The following CBLB variants were observed in gnomAD, a reference collection of about 807,000 sequenced individuals.
CBLB encodes Cbl proto-oncogene B, also known as E3 ubiquitin-protein ligase CBL-B.
A neutral mutation model predicts 104.9 loss-of-function variants in CBLB; 31 were observed. That is an observed-to-expected ratio of 0.30 (90% confidence interval 0.22 to 0.40). The LOEUF (loss-of-function observed/expected upper bound fraction) is 0.40. CBLB is among the 10% of genes least tolerant of loss of function. CBLB has a pLI of 1.00. For synonymous variants in CBLB, 440 were observed against 422.6 expected (o/e 1.04, Z -0.51); for missense variants, 1,062 against 1,214.6 (o/e 0.87, Z 1.87).
chr3:105,660,739 T>G (rs1036892576), intron 18 of CBLB, among the ~76,000 whole-genome samples: 1 of 152,160 alleles, frequency 6.6e-6, no homozygotes, highest in African/African-American at 2.4e-5. Flanking sequence ...GGAGATACTG[T>G]AAGCTGATAT....
At chr3:105,702,055 T>C in intron 12 of CBLB, 39 bp downstream of exon 12, 1 of 1,610,920 alleles carries the variant, frequency 6.2e-7, no homozygotes. Context: ...GAAGCATTTA[T>C]AAGCAGATTC....
In CBLB at chr3:105,704,063, G is replaced by C. The variant is rs754038300; in HGVS notation, c.1518C>G (p.Pro506=). 1 of 1,614,136 alleles carries C rather than the reference G, an allele frequency of 6.2e-7. No individual in the cohort carries two copies. Among genetic ancestry groups the C allele is most frequent in the Admixed American group, 1.7e-5 (1 of 60,020 alleles). The stretch of plus-strand genomic sequence containing the variant: ...GAATTAGATCCAGGCGAGGAGGCAC[G>C]GGTGGCAGGCTTAGATGTGGGATCT... The part of the protein sequence containing the change: ...PLQIPHLSLP[P]VPPRLDLIQK... The change falls in exon 11 of 19, where the codon CCC becomes CCG. Residue 506 remains proline, a synonymous_variant. Coordinates refer to ENST00000394030, the MANE Select transcript of CBLB (RefSeq NM_170662.5).
At chr3:105,733,603 T>C (rs2074577722) in intron 9 of CBLB, among the ~76,000 whole-genome samples, 1 of 152,188 alleles carries the variant, frequency 6.6e-6, no homozygotes, top group Non-Finnish European at 1.5e-5. Context: ...ACAGGAACCA[T>C]GCCTCCTCAG....
chr3:105,805,736 A>G (rs988872004), intron 3 of CBLB, among the ~76,000 whole-genome samples: 11 of 152,158 alleles, frequency 7.2e-5, no homozygotes, highest in African/African-American at 2.7e-4. Flanking sequence ...AAATCCATTC[A>G]TCTCCTAGTG....
chr3:105,751,935 G>A (rs1243528172), intron 4 of CBLB, among the ~76,000 whole-genome samples: 1 of 152,140 alleles, frequency 6.6e-6, no homozygotes, highest in Non-Finnish European at 1.5e-5. Context: ...ACCTCTTCAT[G>A]TGTGTATACA....
intron 16 of CBLB, among the ~76,000 whole-genome samples, chr3:105,679,336 TA>T (rs33959963): frequency 7.6e-5 from 5 of 65,662 alleles, no homozygotes; most frequent in Non-Finnish European, 1.3e-4. Context: ...CTTGAGTCTT[TA>T]AAAAAAAAAA....
chr3:105,830,029 G>A (rs970751911), intron 3 of CBLB, among the ~76,000 whole-genome samples: 4 of 152,042 alleles, frequency 2.6e-5, no homozygotes, highest in African/African-American at 9.7e-5. Flanking sequence ...TCTTACTCTG[G>A]GGAATTCCAA....
intron 11 of CBLB, 117 bp from the exon 12 acceptor site, chr3:105,702,576 G>T: frequency 9.5e-7 from 1 of 1,055,390 alleles, no homozygotes; most frequent in Admixed American, 2.8e-5. Context: ...CAAACAAGGA[G>T]TTTTACTAGA....
rs188240315 is a variant in CBLB at position 105,658,336 on chromosome 3, C to A, written c.*634G>T. 1 of 222,194 alleles carries A rather than the reference C, an allele frequency of 4.5e-6. No homozygotes were observed. Among genetic ancestry groups the A allele is most frequent in the East Asian group, 6.6e-5 (1 of 15,156 alleles). 13.8% of individuals were successfully genotyped at this position (222,194 alleles called of 1,614,324 possible). A position where few individuals can be genotyped will look rare whatever the true frequency, so the allele number is the denominator to read the frequency against. On this transcript the variant is annotated 3_prime_UTR_variant, in exon 19 of 19. Coordinates refer to ENST00000394030, the MANE Select transcript of CBLB (RefSeq NM_170662.5). ...AATGCTTTATACATTCAGGTTTTTC[C>A]CATCTCTCAATAGTGATGGTTTCCA...
At chr3:105,690,286 T>C (rs958203623) in intron 13 of CBLB, among the ~76,000 whole-genome samples, 1 of 152,102 alleles carries the variant, frequency 6.6e-6, no homozygotes, top group African/African-American at 2.4e-5. Context: ...GGAAATGAAC[T>C]CTCGAACATC....
At chr3:105,792,186 C>T (rs2081737814) in intron 3 of CBLB, among the ~76,000 whole-genome samples, 1 of 152,174 alleles carries the variant, frequency 6.6e-6, no homozygotes, top group Admixed American at 6.5e-5. Flanking sequence ...TCTGAAAGCA[C>T]TGGTTTAGCA....
At chr3:105,664,813 A>G (rs570780101) in intron 18 of CBLB, among the ~76,000 whole-genome samples, 48 of 152,282 alleles carry the variant, frequency 3.2e-4, no homozygotes, top group African/African-American at 1.2e-3. Context: ...TTTCTAGTAC[A>G]GTTTTACTAT....
At chr3:105,697,776 T>C (rs1559860869) in intron 12 of CBLB, among the ~76,000 whole-genome samples, 1 of 152,068 alleles carries the variant, frequency 6.6e-6, no homozygotes. Context: ...GTAAGTTACA[T>C]GACCAGTTAA....
At chr3:105,775,110 T>C (rs1283321737) in intron 4 of CBLB, among the ~76,000 whole-genome samples, 1 of 152,182 alleles carries the variant, frequency 6.6e-6, no homozygotes, top group East Asian at 1.9e-4. Flanking sequence ...AATTCTTCAT[T>C]TCTGAATGAA....
chr3:105,757,977 A>T (rs1199350325), intron 4 of CBLB, among the ~76,000 whole-genome samples: 1 of 152,250 alleles, frequency 6.6e-6, no homozygotes, highest in Non-Finnish European at 1.5e-5. Flanking sequence ...TGTTCAGAAG[A>T]TAATAGGATA....
intron 3 of CBLB, among the ~76,000 whole-genome samples, chr3:105,809,536 A>C (rs898471600): frequency 4.6e-5 from 7 of 152,184 alleles, no homozygotes; most frequent in African/African-American, 1.7e-4. Flanking sequence ...CAAGAATCAC[A>C]AGCAAAACAA....
At chr3:105,825,906 A>C (rs1490940197) in intron 3 of CBLB, among the ~76,000 whole-genome samples, 1 of 152,174 alleles carries the variant, frequency 6.6e-6, no homozygotes, top group Admixed American at 6.6e-5. Context: ...CTCGTATTTC[A>C]TTTCAAATCA....
chr3:105,721,237 G>C (rs1270644488), intron 9 of CBLB, among the ~76,000 whole-genome samples: 1 of 152,208 alleles, frequency 6.6e-6, no homozygotes, highest in African/African-American at 2.4e-5. Context: ...AAGGGATGCA[G>C]AGAGCTGACG....
intron 2 of CBLB, among the ~76,000 whole-genome samples, chr3:105,857,276 T>C (rs1476549598): frequency 1.3e-5 from 2 of 152,234 alleles, no homozygotes; most frequent in East Asian, 1.9e-4. Flanking sequence ...TTTAAAACTG[T>C]AATTCCATGT....
Sources: allele counts gnomAD v4.1 joint callset (sites outside exome capture counted in the v4.1 genomes callset), GRCh38; gene constraint gnomAD v4.1.1; transcripts MANE v1.5; gene names NCBI Gene and HGNC (gene_info 2026-07-23, HGNC 2026-07-21).